Variants in SLC44A5 observed in about 807,000 individuals in gnomAD.
SLC44A5 encodes the protein choline transporter-like protein 5.
In SLC44A5, 57 loss-of-function variants were observed where a neutral mutation model predicts 101.8. The observed-to-expected ratio is 0.56, with a 90% CI of 0.45 to 0.70. The LOEUF (loss-of-function observed/expected upper bound fraction) is 0.70, where lower values mean the gene tolerates loss of function less well. SLC44A5 is among the 30% of genes least tolerant of loss of function. SLC44A5 has a pLI of 0.00. For missense variants in SLC44A5, 737 were observed against 853.1 expected (o/e 0.86, Z 1.70); for synonymous variants, 281 against 290.9 (o/e 0.97, Z 0.35).
intron 2 of SLC44A5, among the ~76,000 whole-genome samples, chr1:75,490,305 T>C (rs1198035893): frequency 1.3e-5 from 2 of 152,150 alleles, no homozygotes; most frequent in Admixed American, 6.6e-5. Flanking sequence ...CACTGGTAGA[T>C]ATTAATGGAT....
chr1:75,238,159 CT>C (rs112497459), intron 10 of SLC44A5, among the ~76,000 whole-genome samples: 3,493 of 140,742 alleles, frequency 0.025, 124 homozygotes, highest in African/African-American at 0.078. Context: ...TTTTATTTTC[CT>C]TTTTTTTTTT....
At chr1:75,678,044 G>A in the SLC44A5 span, among the ~76,000 whole-genome samples, 11 of 152,200 alleles carry the variant, frequency 7.2e-5, no homozygotes, top group Admixed American at 1.3e-4. Context: ...CAAATACTGC[G>A]CTTTTCCAAA....
At chr1:75,677,886 C>T in the SLC44A5 span, 12 of 330,068 alleles carry the variant, frequency 3.6e-5, no homozygotes, top group African/African-American at 6.9e-5. Context: ...AGACAGTGGG[C>T]GCAGGTCAGT....
intron 1 of SLC44A5, among the ~76,000 whole-genome samples, chr1:75,586,929 T>A (rs191231165): frequency 6.6e-6 from 1 of 152,052 alleles, no homozygotes; most frequent in Admixed American, 6.6e-5. Flanking sequence ...AGTCTTATGA[T>A]AACTCCATGG....
intron 3 of SLC44A5, among the ~76,000 whole-genome samples, chr1:75,356,313 G>A (rs1659071298): frequency 6.6e-6 from 1 of 151,908 alleles, no homozygotes; most frequent in South Asian, 2.1e-4. Flanking sequence ...CCTCCCAGTG[G>A]GATAAGATGT....
intron 4 of SLC44A5, among the ~76,000 whole-genome samples, chr1:75,312,512 TG>T (rs113020911): frequency 0.057 from 8,715 of 151,810 alleles, 863 homozygotes; most frequent in African/African-American, 0.2. Context: ...GGGGCGGGGA[TG>T]GGGGGTGTTA....
intron 1 of SLC44A5, among the ~76,000 whole-genome samples, chr1:75,572,960 T>C (rs906547626): frequency 2.6e-5 from 4 of 151,496 alleles, no homozygotes; most frequent in African/African-American, 9.7e-5. Flanking sequence ...CCGTCTCTAC[T>C]AATAATACAA....
At chr1:75,546,126 C>CT (rs1225434771) in intron 1 of SLC44A5, among the ~76,000 whole-genome samples, 1 of 151,664 alleles carries the variant, frequency 6.6e-6, no homozygotes, top group African/African-American at 2.4e-5. Flanking sequence ...CCAGCCCATT[C>CT]TTTTTTTGAA....
At chr1:75,412,725 T>C (rs963415183) in intron 2 of SLC44A5, among the ~76,000 whole-genome samples, 20 of 152,192 alleles carry the variant, frequency 1.3e-4, no homozygotes, top group Non-Finnish European at 2.6e-4. Context: ...TTAAATTGTA[T>C]ACTGTTCTGA....
At chr1:75,686,861 G>A in the SLC44A5 span, among the ~76,000 whole-genome samples, 1 of 152,268 alleles carries the variant, frequency 6.6e-6, no homozygotes, top group Non-Finnish European at 1.5e-5. Flanking sequence ...GAACGTGGAT[G>A]TATTTGGACA....
intron 3 of SLC44A5, among the ~76,000 whole-genome samples, chr1:75,342,098 G>T (rs1174256036): frequency 6.6e-6 from 1 of 152,186 alleles, no homozygotes; most frequent in African/African-American, 2.4e-5. Context: ...AGAAAAGCAG[G>T]TCATCATGAT....
intron 4 of SLC44A5, among the ~76,000 whole-genome samples, chr1:75,335,843 G>A (rs1657402004): frequency 6.6e-6 from 1 of 152,134 alleles, no homozygotes; most frequent in Non-Finnish European, 1.5e-5. Flanking sequence ...TTGCTCTGTG[G>A]CCCTGCCCAG....
chr1:75,349,747 G>GA (rs1658503807), intron 3 of SLC44A5, among the ~76,000 whole-genome samples: 1 of 151,966 alleles, frequency 6.6e-6, no homozygotes, highest in African/African-American at 2.4e-5. Context: ...AATAAAATGA[G>GA]AAAATTATGG....
chr1:75,569,918 A>G (rs1351842506), intron 1 of SLC44A5, among the ~76,000 whole-genome samples: 1 of 152,220 alleles, frequency 6.6e-6, no homozygotes, highest in Non-Finnish European at 1.5e-5. Context: ...GAGATATGAA[A>G]TGCAGGAGAT....
rs560960134 is a variant in SLC44A5, at chr1:75,289,141, CT to C, written c.175+11470del. On this transcript the variant is annotated intron_variant, in intron 5 of 23. Coordinates refer to ENST00000370859, the MANE Select transcript of SLC44A5 (RefSeq NM_001130058.2). The stretch of plus-strand genomic sequence containing the variant: ...GATAAGTTACTGCGTCTTACATTTT[CT>C]GCTATTAAAAGGGGTGCAATACTTA... 3.3e-3 allele frequency among the ~76,000 whole-genome samples: 503 copies of C among 152,250 alleles called. 2 individuals carry two copies. Among genetic ancestry groups the C allele is most frequent in the African/African-American group, 0.012 (486 of 41,540 alleles).
At chr1:75,670,666 A>G in the SLC44A5 span, among the ~76,000 whole-genome samples, 1 of 152,224 alleles carries the variant, frequency 6.6e-6, no homozygotes, top group East Asian at 1.9e-4. Flanking sequence ...AAAATACAGA[A>G]TTGGGGAAGA....
chr1:75,615,939 C>T (rs1314926280), upstream of SLC44A5: 1 of 958,482 alleles, frequency 1.0e-6, no homozygotes, highest in Non-Finnish European at 1.2e-6. Context: ...CCGGCTGCCG[C>T]GCAGCTCCCA....
intron 4 of SLC44A5, among the ~76,000 whole-genome samples, chr1:75,318,185 T>G (rs1427677352): frequency 6.6e-6 from 1 of 152,068 alleles, no homozygotes; most frequent in Non-Finnish European, 1.5e-5. Flanking sequence ...AAAATCAGTC[T>G]GGGCAACACA....
intron 1 of SLC44A5, among the ~76,000 whole-genome samples, chr1:75,597,307 A>C (rs1399423003): frequency 6.6e-6 from 1 of 152,186 alleles, no homozygotes; most frequent in Non-Finnish European, 1.5e-5. Context: ...AGATAATGCA[A>C]AAAAATGGAA....
Sources: allele counts gnomAD v4.1 joint callset (sites outside exome capture counted in the v4.1 genomes callset), GRCh38; gene constraint gnomAD v4.1.1; transcripts MANE v1.5; gene names NCBI Gene and HGNC (gene_info 2026-07-23, HGNC 2026-07-21).